The following L3MBTL4 variants were observed in gnomAD, a reference collection of about 807,000 sequenced individuals.
The protein encoded by L3MBTL4 is L3MBTL histone methyl-lysine binding protein 4.
A neutral mutation model predicts 84.5 loss-of-function variants in L3MBTL4; 70 were observed. The ratio of observed to expected loss-of-function variants is 0.83; its 90% CI spans 0.68 to 1.01. The LOEUF is 1.01. Among genes scored for constraint, L3MBTL4 ranks in the 50% least tolerant of loss-of-function variants. The pLI is 0.00. For synonymous variants in L3MBTL4, 274 were observed against 259.8 expected (o/e 1.05, Z -0.52); for missense variants, 715 against 754.8 (o/e 0.95, Z 0.62).
intron 14 of L3MBTL4, among the ~76,000 whole-genome samples, chr18:6,105,627 C>T (rs955737173): frequency 6.6e-6 from 1 of 151,568 alleles, no homozygotes; most frequent in African/African-American, 2.4e-5. Context: ...GATGAAACCC[C>T]GTCTCTACTA....
chr18:5,958,881 CA>C (rs35734907), intron 18 of L3MBTL4, among the ~76,000 whole-genome samples: 8,533 of 152,152 alleles, frequency 0.056, 446 homozygotes, highest in East Asian at 0.22. Context: ...ATTCAACCTG[CA>C]AAAAGCCACT....
intron 16 of L3MBTL4, among the ~76,000 whole-genome samples, chr18:6,004,388 C>T (rs534109038): frequency 6.6e-6 from 1 of 152,146 alleles, no homozygotes; most frequent in African/African-American, 2.4e-5. Flanking sequence ...GTAATCAACA[C>T]CCCCTTGTTA....
intron 14 of L3MBTL4, among the ~76,000 whole-genome samples, chr18:6,136,269 G>A (rs2060026172): frequency 6.6e-6 from 1 of 152,150 alleles, no homozygotes; most frequent in South Asian, 2.1e-4. Flanking sequence ...AGTGCTGGCA[G>A]GCCACTGCAC....
At chr18:5,961,850 G>A (rs2095265048) in intron 17 of L3MBTL4, among the ~76,000 whole-genome samples, 1 of 152,214 alleles carries the variant, frequency 6.6e-6, no homozygotes, top group South Asian at 2.1e-4. Context: ...AGTGAAAGCT[G>A]TGGAATGCCG....
At chr18:6,383,320 G>A (rs1399066549) in intron 1 of L3MBTL4, among the ~76,000 whole-genome samples, 1 of 152,080 alleles carries the variant, frequency 6.6e-6, no homozygotes, top group Non-Finnish European at 1.5e-5. Context: ...GAGAGTGAAT[G>A]GTTCTGTCTT....
At chr18:5,977,828 C>T (rs1316291203) in intron 16 of L3MBTL4, among the ~76,000 whole-genome samples, 3 of 152,164 alleles carry the variant, frequency 2.0e-5, no homozygotes, top group African/African-American at 7.2e-5. Flanking sequence ...CCTCAGGCCT[C>T]ATCACCCTCT....
At chr18:6,245,390 G>T (rs1369746669) in intron 5 of L3MBTL4, among the ~76,000 whole-genome samples, 1 of 151,922 alleles carries the variant, frequency 6.6e-6, no homozygotes, top group Non-Finnish European at 1.5e-5. Flanking sequence ...TTTCCTTCCT[G>T]TACCCTGGAT....
chr18:6,041,462 CT>C (rs34117389), intron 16 of L3MBTL4, among the ~76,000 whole-genome samples: 27,263 of 123,858 alleles, frequency 0.22, 2,033 homozygotes, highest in South Asian at 0.27. Flanking sequence ...CTGAAATTGA[CT>C]TTTTTTTTTT....
chr18:6,347,814 T>C (rs2052989481), intron 1 of L3MBTL4, among the ~76,000 whole-genome samples: 2 of 151,762 alleles, frequency 1.3e-5, no homozygotes, highest in Admixed American at 6.6e-5. Context: ...TCCTAACTAG[T>C]GTAATGATGC....
At chr18:6,102,682 G>A (rs1451270237) in intron 14 of L3MBTL4, among the ~76,000 whole-genome samples, 1 of 152,212 alleles carries the variant, frequency 6.6e-6, no homozygotes, top group African/African-American at 2.4e-5. Context: ...ATGGCAAGAA[G>A]ATGAACTCTG....
At chr18:6,024,169 G>A (rs568686969) in intron 16 of L3MBTL4, among the ~76,000 whole-genome samples, 17 of 152,280 alleles carry the variant, frequency 1.1e-4, no homozygotes, top group Admixed American at 3.9e-4. Flanking sequence ...GAGCCACCAC[G>A]TCCGGCCTTA....
At chr18:6,151,378 T>TA (rs933724782) in intron 13 of L3MBTL4, among the ~76,000 whole-genome samples, 1 of 151,004 alleles carries the variant, frequency 6.6e-6, no homozygotes, top group African/African-American at 2.5e-5. Context: ...CTGCTACAAT[T>TA]AATTTTTTTA....
intron 10 of L3MBTL4, among the ~76,000 whole-genome samples, chr18:6,219,875 C>T (rs184216228): frequency 7.2e-5 from 11 of 151,872 alleles, no homozygotes; most frequent in Admixed American, 3.9e-4. Context: ...GTGGTGGCCT[C>T]GAGAGGGACA....
chr18:6,094,929 T>C (rs1226221573), intron 14 of L3MBTL4, among the ~76,000 whole-genome samples: 2 of 152,152 alleles, frequency 1.3e-5, no homozygotes, highest in African/African-American at 2.4e-5. Flanking sequence ...TTTACATGCA[T>C]GTTCTGTAAT....
intron 1 of L3MBTL4, among the ~76,000 whole-genome samples, chr18:6,329,544 G>T (rs2051915729): frequency 6.6e-6 from 1 of 152,080 alleles, no homozygotes; most frequent in African/African-American, 2.4e-5. Context: ...CATGAAACTG[G>T]GTAATTTATA....
chr18:6,238,393 T>C (rs1190584534), intron 9 of L3MBTL4, among the ~76,000 whole-genome samples: 3 of 151,834 alleles, frequency 2.0e-5, no homozygotes, highest in Non-Finnish European at 4.4e-5. Flanking sequence ...ATTAGCCAGG[T>C]GTGGTGGCGG....
chr18:5,973,907 C>G (rs2052771867), intron 16 of L3MBTL4, among the ~76,000 whole-genome samples: 1 of 152,180 alleles, frequency 6.6e-6, no homozygotes, highest in Non-Finnish European at 1.5e-5. Flanking sequence ...GGAAATTCAG[C>G]CTGCAAAAGC....
rs138282076 is a variant in L3MBTL4, at chr18:6,140,668, C to A, written c.1097-2372G>T. Among the ~76,000 whole-genome samples, 91 of 152,216 alleles carry A rather than the reference C, an allele frequency of 6.0e-4. 1 individual carries two copies. In the East Asian group the frequency reaches 0.012, roughly 20 times the overall value. On this transcript the variant is annotated intron_variant, in intron 13 of 18. Transcript: ENST00000317931. The stretch of plus-strand genomic sequence containing the variant: ...ATCTGTGCTTGATCTCATCACCTCC[C>A]ATTCTCCAGGATCTGTAAGCTATGA...
rs538317167 is a variant in L3MBTL4, at chr18:6,089,022, G to A, written c.1373+4333C>T. On this transcript the variant is annotated intron_variant, in intron 15 of 18. Transcript: ENST00000317931. ...GAATATGACAGGTATTTTAACGAAT[G>A]GTGGTGCTATCAATTGTGTGAATTA... 2.6e-5 allele frequency among the ~76,000 whole-genome samples: 4 copies of A among 152,214 alleles called. No individual in the cohort carries two copies. In the East Asian group the frequency reaches 5.8e-4, roughly 22 times the overall value.
Sources: gnomAD v4.1 joint callset for allele counts (sites outside exome capture counted in the v4.1 genomes callset) on GRCh38, gnomAD v4.1.1 for gene constraint, MANE v1.5 for transcripts, NCBI Gene and HGNC (gene_info 2026-07-23, HGNC 2026-07-21) for gene names.